Variants in MYO10 observed in about 807,000 individuals in gnomAD.
MYO10 encodes the protein myosin X, also known as unconventional myosin-X.
In MYO10, 133 loss-of-function variants were observed where a neutral mutation model predicts 257.3. That is an observed-to-expected ratio of 0.52 (90% CI 0.45 to 0.60). The LOEUF (loss-of-function observed/expected upper bound fraction) is 0.60, where lower values mean the gene tolerates loss of function less well. Ranked by LOEUF, MYO10 falls within the 20% of genes least tolerant of loss-of-function variation. The pLI is 0.00. For missense variants in MYO10, 2,399 were observed against 2,635.7 expected, an observed-to-expected ratio of 0.91 and a Z score of 1.97; for synonymous variants, 1,104 against 1,028.6, an observed-to-expected ratio of 1.07 and a Z score of -1.40.
intron 1 of MYO10, among the ~76,000 whole-genome samples, chr5:16,881,722 A>G (rs1322913774): frequency 6.6e-6 from 1 of 152,228 alleles, no homozygotes; most frequent in Non-Finnish European, 1.5e-5. Flanking sequence ...TGAGACCCCA[A>G]TCTTTCTACT....
At chr5:16,886,156 T>A (rs1744891669) in intron 1 of MYO10, among the ~76,000 whole-genome samples, 1 of 152,174 alleles carries the variant, frequency 6.6e-6, no homozygotes, top group Non-Finnish European at 1.5e-5. Flanking sequence ...ACAGGCGGTT[T>A]TTAGGCTCAG....
intron 21 of MYO10, among the ~76,000 whole-genome samples, chr5:16,707,950 T>C (rs2126568485): frequency 6.6e-6 from 1 of 152,318 alleles, no homozygotes; most frequent in Admixed American, 6.5e-5. Context: ...ACGGCAGACA[T>C]TCCTTTACCA....
intron 4 of MYO10, among the ~76,000 whole-genome samples, chr5:16,791,768 T>C (rs1282313492): frequency 6.6e-6 from 1 of 152,234 alleles, no homozygotes; most frequent in African/African-American, 2.4e-5. Flanking sequence ...CTGTTAATCT[T>C]CTTAAATTAT....
intron 19 of MYO10, among the ~76,000 whole-genome samples, chr5:16,720,277 T>C (rs1739099602): frequency 2.0e-5 from 3 of 152,138 alleles, no homozygotes; most frequent in South Asian, 4.1e-4. Context: ...AGTAAGTCAA[T>C]TGCCTTTACT....
chr5:16,794,915 CG>C (rs1560988656), intron 3 of MYO10, 82 bp from the exon 4 acceptor site: 2 of 1,132,760 alleles, frequency 1.8e-6, no homozygotes, highest in East Asian at 3.1e-5. Context: ...ACCGAGTGTG[CG>C]CCAGGGGGAA....
At chr5:16,732,102 T>A (rs1472130996) in intron 19 of MYO10, among the ~76,000 whole-genome samples, 1 of 152,168 alleles carries the variant, frequency 6.6e-6, no homozygotes, top group Admixed American at 6.5e-5. Flanking sequence ...CATTTCATAT[T>A]TTGAGTAGAT....
intron 2 of MYO10, among the ~76,000 whole-genome samples, chr5:16,854,328 A>C (rs990494868): frequency 1.3e-5 from 2 of 152,210 alleles, no homozygotes; most frequent in African/African-American, 4.8e-5. Flanking sequence ...CTTTTAAATA[A>C]AATGTAGCAT....
At chr5:16,728,229 A>C (rs1057096274) in intron 19 of MYO10, among the ~76,000 whole-genome samples, 3 of 152,060 alleles carry the variant, frequency 2.0e-5, no homozygotes, top group Non-Finnish European at 4.4e-5. Context: ...GTGTGCATGG[A>C]CTACTGCACA....
intron 40 of MYO10, among the ~76,000 whole-genome samples, chr5:16,667,397 C>G (rs899354121): frequency 6.6e-6 from 1 of 152,178 alleles, no homozygotes; most frequent in Admixed American, 6.5e-5. Context: ...CCTGTGCAGG[C>G]ATCATAACCG....
chr5:16,921,251 C>T (rs1027317176), intron 1 of MYO10, among the ~76,000 whole-genome samples: 20 of 119,550 alleles, frequency 1.7e-4, no homozygotes, highest in African/African-American at 6.3e-4. Flanking sequence ...CAAAGCTTTG[C>T]GAGAGAATAC....
intron 30 of MYO10, 116 bp from the exon 31 acceptor site, chr5:16,682,129 G>T: frequency 1.7e-6 from 2 of 1,210,818 alleles, no homozygotes; most frequent in Non-Finnish European, 1.1e-6. Flanking sequence ...GATATACACT[G>T]CTAGGCTATC....
intron 1 of MYO10, among the ~76,000 whole-genome samples, chr5:16,929,199 C>A (rs1018806682): frequency 1.1e-4 from 17 of 152,036 alleles, no homozygotes; most frequent in Non-Finnish European, 2.2e-4. Flanking sequence ...GTGATCCGCC[C>A]ACCTCGGCCT....
intron 2 of MYO10, among the ~76,000 whole-genome samples, chr5:16,830,616 A>G (rs973467626): frequency 6.6e-6 from 1 of 151,890 alleles, no homozygotes; most frequent in Non-Finnish European, 1.5e-5. Flanking sequence ...TACTAAAATG[A>G]ATTTGTAATA....
intron 2 of MYO10, among the ~76,000 whole-genome samples, chr5:16,842,057 G>A (rs920238026): frequency 5.9e-5 from 9 of 152,132 alleles, no homozygotes; most frequent in African/African-American, 2.2e-4. Flanking sequence ...AGGCAGAAAA[G>A]CAGGTGGCAC....
chr5:16,864,141 T>C (rs1175258146), intron 2 of MYO10, among the ~76,000 whole-genome samples: 1 of 137,924 alleles, frequency 7.3e-6, no homozygotes, highest in East Asian at 2.1e-4. Context: ...TCTTCTGCTA[T>C]GTGGCTATTT....
At position 16,727,197 on chromosome 5, in the gene MYO10, T is replaced by C. The variant is rs142817689; in HGVS notation, c.1930-15952A>G. On this transcript the variant is annotated intron_variant, in intron 19 of 40. Transcript: ENST00000513610. Reference sequence around the variant, plus strand: ...AAACTGCTTTCACAAAAAAAACAATTTTTTTTTACACTTCTAAATGTGGCT... The same window carrying C: ...AAACTGCTTTCACAAAAAAAACAATCTTTTTTTACACTTCTAAATGTGGCT... Among the ~76,000 whole-genome samples, 333 of 152,168 alleles carry C rather than the reference T, an allele frequency of 2.2e-3. 4 individuals carry two copies. Among genetic ancestry groups the C allele is most frequent in the Non-Finnish European group, 5.6e-4 (38 of 67,994 alleles).
At position 16,803,427 on chromosome 5, in the gene MYO10, A is replaced by AC. The variant is rs1291866090; in HGVS notation, c.280-8595_280-8594insG. Among the ~76,000 whole-genome samples the AC allele has an allele frequency of 9.1e-4, 139 of 152,264 alleles. 1 individual carries two copies. The highest frequency in any genetic ancestry group is 3.2e-3 in the African/African-American group (135 of 41,548). On this transcript the variant is annotated intron_variant, in intron 3 of 40. Transcript: ENST00000513610. Reference sequence around the variant, plus strand: ...TGACAGAGTGAGACCCTATCTCAAAAGAAAAAAAAAAGTTTCAGCATACAC... The same window carrying AC: ...TGACAGAGTGAGACCCTATCTCAAAACGAAAAAAAAAAGTTTCAGCATACAC...
At chr5:16,795,644 T>C (rs778484267) in intron 3 of MYO10, among the ~76,000 whole-genome samples, 1 of 152,106 alleles carries the variant, frequency 6.6e-6, no homozygotes, top group South Asian at 2.1e-4. Flanking sequence ...ATGCAGAACA[T>C]TGTGAATGTC....
chr5:16,811,819 G>A (rs550233624), intron 3 of MYO10, among the ~76,000 whole-genome samples: 267 of 152,270 alleles, frequency 1.8e-3, no homozygotes, highest in African/African-American at 6.2e-3. Context: ...CCAAAGAGCT[G>A]GGATTACAAG....
Sources: gnomAD v4.1 joint callset for allele counts (sites outside exome capture counted in the v4.1 genomes callset) on GRCh38, gnomAD v4.1.1 for gene constraint, MANE v1.5 for transcripts, NCBI Gene and HGNC (gene_info 2026-07-23, HGNC 2026-07-21) for gene names.